Variants in PTPRQ observed in about 807,000 individuals in gnomAD.
PTPRQ encodes the protein protein tyrosine phosphatase receptor type Q, also known as phosphatidylinositol phosphatase PTPRQ.
A neutral mutation model predicts 246.0 loss-of-function variants in PTPRQ; 199 were observed. That is an observed-to-expected ratio of 0.81 (90% confidence interval 0.72 to 0.91). PTPRQ has a LOEUF of 0.91. Among genes scored for constraint, PTPRQ ranks in the 40% least tolerant of loss-of-function variants. PTPRQ has a pLI of 0.00. For missense variants in PTPRQ, 2,624 were observed against 2,528.4 expected, an observed-to-expected ratio of 1.04 and a Z score of -0.81; for synonymous variants, 869 against 853.2, an observed-to-expected ratio of 1.02 and a Z score of -0.32.
intron 27 of PTPRQ, among the ~76,000 whole-genome samples, chr12:80,607,956 G>A (rs771076218): frequency 3.6e-4 from 55 of 150,956 alleles, no homozygotes; most frequent in African/African-American, 1.3e-3. Flanking sequence ...CACTGGAATA[G>A]AAACAGCTAA....
chr12:80,513,172 T>C (rs1206063221), intron 17 of PTPRQ, among the ~76,000 whole-genome samples: 2 of 152,120 alleles, frequency 1.3e-5, no homozygotes, highest in African/African-American at 4.8e-5. Context: ...CCGGGGTTTC[T>C]TGCCTTGGAG....
chr12:80,455,084 A>G (rs1214263571), intron 3 of PTPRQ, among the ~76,000 whole-genome samples: 1 of 152,086 alleles, frequency 6.6e-6, no homozygotes, highest in Non-Finnish European at 1.5e-5. Context: ...GAGGCAGGAG[A>G]GTCACTTGAA....
intron 26 of PTPRQ, chr12:80,593,687 T>C (rs1897876935): frequency 6.6e-6 from 1 of 152,176 alleles, no homozygotes; most frequent in African/African-American, 2.4e-5. Flanking sequence ...ATTACAGTCA[T>C]GCAAATTATT....
chr12:80,551,254 C>G (rs749458647), intron 25 of PTPRQ, among the ~76,000 whole-genome samples: 1 of 152,070 alleles, frequency 6.6e-6, no homozygotes, highest in Non-Finnish European at 1.5e-5. Flanking sequence ...CTGTTCTTGA[C>G]AATCCATTGG....
intron 3 of PTPRQ, among the ~76,000 whole-genome samples, chr12:80,449,973 G>C (rs1403987375): frequency 2.0e-5 from 3 of 152,132 alleles, no homozygotes; most frequent in African/African-American, 4.8e-5. Context: ...GGGCAGTATG[G>C]TCATTTTCAC....
Position 80,516,928 on chromosome 12 carries a change from T to A in PTPRQ, c.2678+6485T>A, listed in dbSNP as rs145598796. 5.3e-4 allele frequency among the ~76,000 whole-genome samples: 81 copies of A among 152,182 alleles called. 1 individual carries two copies. In the East Asian group the frequency reaches 0.015, roughly 28 times the overall value. ...GACAAGTAGCATTATAGACATGGAG[T>A]ACTGAGGCTAAGTTGGGAAGATGAA... On this transcript the variant is annotated intron_variant, in intron 17 of 44. Coordinates refer to ENST00000644991, the MANE Select transcript of PTPRQ (RefSeq NM_001145026.2).
chr12:80,530,706 AC>A, intron 17 of PTPRQ, among the ~76,000 whole-genome samples: 1 of 152,318 alleles, frequency 6.6e-6, no homozygotes, highest in Middle Eastern at 3.4e-3. Flanking sequence ...CTAAAAATCT[AC>A]TAAAATCTAA....
chr12:80,482,360 A>G (rs917895918), intron 8 of PTPRQ, among the ~76,000 whole-genome samples: 4 of 152,086 alleles, frequency 2.6e-5, no homozygotes, highest in African/African-American at 9.7e-5. Flanking sequence ...CTTACACCTT[A>G]TACAAAAATT....
intron 9 of PTPRQ, among the ~76,000 whole-genome samples, chr12:80,484,913 C>G (rs1408270763): frequency 6.6e-6 from 1 of 152,056 alleles, no homozygotes; most frequent in Non-Finnish European, 1.5e-5. Flanking sequence ...TTCGGAAACT[C>G]TTGTTATGAT....
intron 28 of PTPRQ, among the ~76,000 whole-genome samples, chr12:80,613,061 T>C (rs2121108255): frequency 6.6e-6 from 1 of 150,588 alleles, no homozygotes; most frequent in Non-Finnish European, 1.5e-5. Context: ...GTTAAAGGAA[T>C]CTATACAGAA....
At chr12:80,631,401 T>A (rs1001028176) in intron 33 of PTPRQ, among the ~76,000 whole-genome samples, 1 of 152,202 alleles carries the variant, frequency 6.6e-6, no homozygotes, top group Non-Finnish European at 1.5e-5. Flanking sequence ...TTTGTATTTC[T>A]TTTATTAAAT....
intron 35 of PTPRQ, among the ~76,000 whole-genome samples, chr12:80,640,661 T>A (rs1419253449): frequency 6.6e-6 from 1 of 152,218 alleles, no homozygotes; most frequent in Non-Finnish European, 1.5e-5. Flanking sequence ...GTGATTATTT[T>A]AATCTTGTCA....
intron 36 of PTPRQ, among the ~76,000 whole-genome samples, chr12:80,649,302 T>C (rs1645410304): frequency 6.6e-6 from 1 of 152,188 alleles, no homozygotes; most frequent in African/African-American, 2.4e-5. Flanking sequence ...GATAACTTCA[T>C]GCCCTTACAT....
At position 80,562,551 on chromosome 12, in the gene PTPRQ, T is replaced by A. The variant is rs191891651; in HGVS notation, c.4285+12817T>A. On this transcript the variant is annotated intron_variant, in intron 25 of 44. Transcript: ENST00000644991. ...GCAAAGGAAATCTTAAGATAATTTT[T>A]AAAATACATCAAACTGAATATGCTA... 1.3e-3 allele frequency among the ~76,000 whole-genome samples: 195 copies of A among 152,300 alleles called. 1 individual carries two copies. The highest frequency in any genetic ancestry group is 4.3e-3 in the African/African-American group (178 of 41,574).
At chr12:80,547,570 A>G (rs1260613547) in intron 24 of PTPRQ, among the ~76,000 whole-genome samples, 1 of 152,156 alleles carries the variant, frequency 6.6e-6, no homozygotes, top group Non-Finnish European at 1.5e-5. Context: ...TCTGTAACAA[A>G]TGCAAAATAA....
chr12:80,600,099 T>G (rs572863076), intron 26 of PTPRQ, among the ~76,000 whole-genome samples: 72 of 151,938 alleles, frequency 4.7e-4, no homozygotes, highest in African/African-American at 1.6e-3. Flanking sequence ...GGGAAAACGA[T>G]TTTTGGAAAA....
At chr12:80,560,784 G>A (rs1750860451) in intron 25 of PTPRQ, among the ~76,000 whole-genome samples, 1 of 152,158 alleles carries the variant, frequency 6.6e-6, no homozygotes, top group African/African-American at 2.4e-5. Context: ...TTTGGAAAAT[G>A]TATCACTATA....
chr12:80,448,641 T>G (rs930766585), intron 3 of PTPRQ, among the ~76,000 whole-genome samples: 7 of 150,224 alleles, frequency 4.7e-5, no homozygotes, highest in South Asian at 4.2e-4. Context: ...TTTTCGTTCT[T>G]GCGATAGTTT....
At chr12:80,546,212 G>T (rs1165110945) in intron 23 of PTPRQ, among the ~76,000 whole-genome samples, 1 of 151,882 alleles carries the variant, frequency 6.6e-6, no homozygotes, top group Non-Finnish European at 1.5e-5. Context: ...CCAGCTACTT[G>T]GGAGGCTGAG....
Sources: allele counts gnomAD v4.1 joint callset (sites outside exome capture counted in the v4.1 genomes callset), GRCh38; gene constraint gnomAD v4.1.1; transcripts MANE v1.5; gene names NCBI Gene and HGNC (gene_info 2026-07-23, HGNC 2026-07-21).